The following KIAA0825 variants were observed in gnomAD, a reference collection of about 807,000 sequenced individuals.
KIAA0825 encodes the protein uncharacterized protein KIAA0825.
In KIAA0825, 119 loss-of-function variants were observed where a neutral mutation model predicts 147.6. The ratio of observed to expected loss-of-function variants is 0.81; its 90% CI spans 0.69 to 0.94. The LOEUF (loss-of-function observed/expected upper bound fraction) is 0.94, where lower values mean the gene tolerates loss of function less well. Ranked by LOEUF, KIAA0825 falls within the 40% of genes least tolerant of loss-of-function variation. KIAA0825 has a pLI of 0.00. For missense variants in KIAA0825, 1,381 were observed against 1,472.7 expected, an observed-to-expected ratio of 0.94 and a Z score of 1.02; for synonymous variants, 470 against 518.1, an observed-to-expected ratio of 0.91 and a Z score of 1.26.
At chr5:94,596,231 C>T (rs1342565585) in intron 1 of KIAA0825, among the ~76,000 whole-genome samples, 1 of 152,126 alleles carries the variant, frequency 6.6e-6, no homozygotes, top group Non-Finnish European at 1.5e-5. Flanking sequence ...ACATTTAAGT[C>T]TTTAATCCAT....
At chr5:94,154,279 T>G (rs992755125) in intron 20 of KIAA0825, among the ~76,000 whole-genome samples, 155 bp from the exon 21 acceptor site, 1 of 152,310 alleles carries the variant, frequency 6.6e-6, no homozygotes, top group East Asian at 1.9e-4. Flanking sequence ...ATACAATTCA[T>G]TGGCACTGCC....
At chr5:94,154,194 T>C (rs952349176) in intron 20 of KIAA0825, 70 bp from the exon 21 acceptor site, 2 of 937,182 alleles carry the variant, frequency 2.1e-6, no homozygotes, top group African/African-American at 1.6e-5. Flanking sequence ...GTTAATCAAG[T>C]CTTGAATATG....
In KIAA0825 at chr5:94,605,481, A is replaced by G. The variant is rs144994375; in HGVS notation, c.-153+13019T>C. The stretch of plus-strand genomic sequence containing the variant: ...CAGCAAAAAAAGAAAACTTCAGGCC[A>G]ATATTCTAGCTGAACATCAGTGCAA... On this transcript the variant is annotated intron_variant, in intron 1 of 20. Coordinates refer to ENST00000682413, the MANE Select transcript of KIAA0825 (RefSeq NM_001145678.3). Among the ~76,000 whole-genome samples the G allele has an allele frequency of 1.9e-3, 293 of 152,348 alleles. 2 individuals carry two copies. The highest frequency in any genetic ancestry group is 6.6e-3 in the African/African-American group (275 of 41,580).
intron 5 of KIAA0825, among the ~76,000 whole-genome samples, chr5:94,491,341 A>G (rs988938663): frequency 6.6e-6 from 1 of 152,178 alleles, no homozygotes; most frequent in Admixed American, 6.5e-5. Flanking sequence ...GAATATTATA[A>G]TATGAAGTCA....
chr5:94,225,121 C>A (rs927172356), intron 20 of KIAA0825, among the ~76,000 whole-genome samples: 1 of 152,166 alleles, frequency 6.6e-6, no homozygotes, highest in Middle Eastern at 3.4e-3. Flanking sequence ...TTATTGAGTA[C>A]CTTCAGTGTG....
chr5:94,479,406 A>G (rs1445973807), intron 6 of KIAA0825, among the ~76,000 whole-genome samples: 1 of 152,096 alleles, frequency 6.6e-6, no homozygotes, highest in Non-Finnish European at 1.5e-5. Flanking sequence ...AGGTTCCTCC[A>G]TGTCTCTTAA....
At chr5:94,606,062 G>A (rs1417959964) in intron 1 of KIAA0825, among the ~76,000 whole-genome samples, 2 of 152,158 alleles carry the variant, frequency 1.3e-5, no homozygotes, top group Non-Finnish European at 2.9e-5. Context: ...CTTCAGCAAA[G>A]TTTCAGGATA....
chr5:94,273,923 C>T (rs1271701950), intron 20 of KIAA0825, among the ~76,000 whole-genome samples: 1 of 151,976 alleles, frequency 6.6e-6, no homozygotes, highest in Non-Finnish European at 1.5e-5. Context: ...AAATATTAAG[C>T]TTATTTTGCC....
chr5:94,569,658 G>A, intron 2 of KIAA0825: 1 of 351,566 alleles, frequency 2.8e-6, no homozygotes, highest in East Asian at 4.3e-5. Flanking sequence ...CTTGGCGCCT[G>A]CCTAACCATT....
intron 3 of KIAA0825, among the ~76,000 whole-genome samples, chr5:94,530,929 T>A (rs1770673893): frequency 6.6e-6 from 1 of 152,210 alleles, no homozygotes; most frequent in Admixed American, 6.5e-5. Flanking sequence ...GTCTGGATTT[T>A]CAGTATCATA....
chr5:94,557,001 C>T (rs1215146716), intron 2 of KIAA0825, among the ~76,000 whole-genome samples: 11 of 152,198 alleles, frequency 7.2e-5, no homozygotes, highest in African/African-American at 2.7e-4. Context: ...CTAAATAGCA[C>T]GCCTTCCTAG....
In KIAA0825 at chr5:94,152,849, AAAAAAATTATAT is replaced by A. The variant is rs1766634348; in HGVS notation, c.*1146_*1157del. On this transcript the variant is annotated 3_prime_UTR_variant, in exon 21 of 21. Transcript: ENST00000682413. ...AAAAAAAAAAAAAAAAAAAAAAAAAAAAAAAATTATATATATATATATATATATATATATATA... is the reference window on the plus strand; with the variant it reads ...AAAAAAAAAAAAAAAAAAAAAAAAAAATATATATATATATATATATATATA... The A allele has an allele frequency of 4.2e-5, 1 of 23,530 alleles. No homozygotes were observed. The highest frequency in any genetic ancestry group is 1.4e-4 in the African/African-American group (1 of 7,182). 1.5% of individuals were successfully genotyped at this position (23,530 alleles called of 1,614,324 possible).
At chr5:94,353,725 C>G (rs1473663828) in intron 20 of KIAA0825, among the ~76,000 whole-genome samples, 1 of 151,952 alleles carries the variant, frequency 6.6e-6, no homozygotes, top group Non-Finnish European at 1.5e-5. Context: ...AATGATAGCT[C>G]TTTCTAGTCT....
At chr5:94,491,840 T>C (rs6866319) in intron 5 of KIAA0825, among the ~76,000 whole-genome samples, 7,122 of 152,096 alleles carry the variant, frequency 0.047, 537 homozygotes, top group African/African-American at 0.16. Flanking sequence ...AACTTTGAAA[T>C]AAATTGAGTG....
intron 1 of KIAA0825, among the ~76,000 whole-genome samples, chr5:94,583,163 G>A (rs1344130703): frequency 6.6e-6 from 1 of 152,196 alleles, no homozygotes; most frequent in Non-Finnish European, 1.5e-5. Context: ...CATCTCACTG[G>A]GACTGGTTGG....
At chr5:94,218,054 C>T (rs980860814) in intron 20 of KIAA0825, among the ~76,000 whole-genome samples, 4 of 151,998 alleles carry the variant, frequency 2.6e-5, no homozygotes, top group Non-Finnish European at 4.4e-5. Flanking sequence ...AACACAAACA[C>T]GTAGGTATTC....
intron 20 of KIAA0825, among the ~76,000 whole-genome samples, chr5:94,213,564 A>G (rs138257986): frequency 1.2e-4 from 19 of 152,208 alleles, no homozygotes; most frequent in African/African-American, 4.1e-4. Flanking sequence ...ACAGCCCACA[A>G]AAGGCCTTTA....
At chr5:94,281,919 C>T (rs1777486558) in intron 20 of KIAA0825, among the ~76,000 whole-genome samples, 1 of 152,092 alleles carries the variant, frequency 6.6e-6, no homozygotes, top group African/African-American at 2.4e-5. Flanking sequence ...CATGTTCTCC[C>T]CACCTTCCAA....
intron 20 of KIAA0825, among the ~76,000 whole-genome samples, chr5:94,193,946 C>A (rs975312163): frequency 6.6e-6 from 1 of 152,042 alleles, no homozygotes; most frequent in Non-Finnish European, 1.5e-5. Flanking sequence ...GCCAGAGCAC[C>A]CAAAAGCATA....
Sources: gnomAD v4.1 joint callset for allele counts (sites outside exome capture counted in the v4.1 genomes callset) on GRCh38, gnomAD v4.1.1 for gene constraint, MANE v1.5 for transcripts, NCBI Gene and HGNC (gene_info 2026-07-23, HGNC 2026-07-21) for gene names.